The following EPS8L3 variants were observed in gnomAD, a reference collection of about 807,000 sequenced individuals.
EPS8L3 encodes EPS8 signaling adaptor L3.
Under a neutral mutation model 88.5 loss-of-function variants are expected in EPS8L3, and 80 were observed. The ratio of observed to expected loss-of-function variants is 0.90; its 90% confidence interval spans 0.75 to 1.09. The LOEUF is 1.09. EPS8L3 is among the 50% of genes least tolerant of loss of function. The pLI is 0.00. For missense variants in EPS8L3, 721 were observed against 735.2 expected (o/e 0.98, Z 0.22); for synonymous variants, 286 against 291.0 (o/e 0.98, Z 0.18).
At chr1:109,760,001 G>T in intron 3 of EPS8L3, 165 bp from the exon 4 acceptor site, 1 of 690,340 alleles carries the variant, frequency 1.4e-6, no homozygotes, top group Non-Finnish European at 2.4e-6. Context: ...CCAATGTGAG[G>T]GACGGTGTCG....
intron 12 of EPS8L3, among the ~76,000 whole-genome samples, chr1:109,753,959 C>T (rs1454120271): frequency 6.6e-6 from 1 of 152,136 alleles, no homozygotes; most frequent in African/African-American, 2.4e-5. Context: ...ATATAGATTT[C>T]CTTGGGGGCT....
In EPS8L3 at chr1:109,750,307, A is replaced by G; in HGVS notation, c.*84T>C. 1 of 1,546,114 alleles carries G rather than the reference A, an allele frequency of 6.5e-7. No individual in the cohort carries two copies. Among genetic ancestry groups the G allele is most frequent in the Admixed American group, 1.8e-5 (1 of 57,066 alleles). ...TTTGCTGCAAACTGGGATCCAGAAG[A>G]GGAATTCTCGGGGCTCTAATGGGTA... On this transcript the variant is annotated 3_prime_UTR_variant, in exon 19 of 19. Coordinates refer to ENST00000361965, the MANE Select transcript of EPS8L3 (RefSeq NM_133181.4).
In EPS8L3 at chr1:109,750,659, C is replaced by T. The variant is rs992185409; in HGVS notation, c.1770+1G>A. 6.2e-7 allele frequency: 1 copy of T among 1,614,182 alleles called. No homozygotes were observed. The highest frequency in any genetic ancestry group is 8.5e-7 in the Non-Finnish European group (1 of 1,180,018). Reference sequence around the variant, plus strand: ...TTGTCAGGACCCCAGGGTGTCCTCACCCCCAGCATCCTTCTGACAGCCTCC... The same window carrying T: ...TTGTCAGGACCCCAGGGTGTCCTCATCCCCAGCATCCTTCTGACAGCCTCC... On this transcript the variant is annotated splice_donor_variant, in intron 18 of 18. Coordinates refer to ENST00000361965, the MANE Select transcript of EPS8L3 (RefSeq NM_133181.4). LOFTEE classifies it high-confidence loss of function.
chr1:109,763,008 T>C (rs1339910139), intron 1 of EPS8L3, among the ~76,000 whole-genome samples: 2 of 152,200 alleles, frequency 1.3e-5, no homozygotes, highest in Non-Finnish European at 2.9e-5. Flanking sequence ...GGTTTGTGGG[T>C]ATCCACATGT....
intron 1 of EPS8L3, among the ~76,000 whole-genome samples, chr1:109,762,603 TCTC>T (rs774516462): frequency 1.3e-5 from 2 of 150,172 alleles, no homozygotes; most frequent in East Asian, 3.9e-4. Context: ...CCTATCAGTT[TCTC>T]CTCACTGCCG....
intron 1 of EPS8L3, 93 bp from the exon 2 acceptor site, chr1:109,761,866 G>A (rs1036305161): frequency 6.1e-6 from 7 of 1,139,184 alleles, no homozygotes; most frequent in Non-Finnish European, 9.1e-6. Flanking sequence ...GCTCTGACTG[G>A]GGGCCTCTGG....
chr1:109,762,137 A>G (rs149875984), intron 1 of EPS8L3, among the ~76,000 whole-genome samples: 22 of 152,260 alleles, frequency 1.4e-4, no homozygotes, highest in East Asian at 7.7e-4. Context: ...GGGCCTGGGT[A>G]TGAAAGATGC....
Position 109,759,515 on chromosome 1 carries a change from C to T in EPS8L3, c.256-128G>A. 1 of 1,510,496 alleles carries T rather than the reference C, an allele frequency of 6.6e-7. No individual in the cohort carries two copies. Among genetic ancestry groups the T allele is most frequent in the Non-Finnish European group, 8.9e-7 (1 of 1,120,028 alleles). 93.6% of individuals were successfully genotyped at this position (1,510,496 alleles called of 1,614,324 possible). A position where few individuals can be genotyped will look rare whatever the true frequency, so the allele number is the denominator to read the frequency against. On this transcript the variant is annotated intron_variant, in intron 4 of 18. Coordinates refer to ENST00000361965, the MANE Select transcript of EPS8L3 (RefSeq NM_133181.4). This position sits in a 1 kb window ranked among gnomAD's most constrained non-coding sequence, Gnocchi z 4.2. ...GGTGTCATCTACCTGACTCTTGTGC[C>T]TCTGTCCCCAGCCTCTGTCCCCTGT... is the stretch of plus-strand genomic sequence containing the variant.
rs762076759 is a variant in EPS8L3, at chr1:109,757,018, G to T, written c.1117C>A (p.Arg373=). Residue 373 remains arginine, a splice_region_variant and synonymous_variant, in exon 12 of 19, where the codon CGG becomes AGG. Transcript: ENST00000361965. ...MGLGPAWTTS[R]ADWTGDEPLP... Reference sequence around the variant, plus strand: ...AGTTCAGGCTTTGTCTTCACTCACCGGCTAGTGGTCCAGGCTGGGCCCAAC... The same window carrying T: ...AGTTCAGGCTTTGTCTTCACTCACCTGCTAGTGGTCCAGGCTGGGCCCAAC... The T allele has an allele frequency of 1.2e-5, 20 of 1,614,114 alleles. No homozygotes were observed. The highest frequency in any genetic ancestry group is 1.7e-5 in the Admixed American group (1 of 60,018).
intron 8 of EPS8L3, 68 bp from the exon 9 acceptor site, chr1:109,758,126 C>T (rs1650482582): frequency 7.0e-7 from 1 of 1,429,756 alleles, no homozygotes. Context: ...CCACACTGCC[C>T]CCCGCACCCC....
Position 109,752,081 on chromosome 1 carries a change from G to C in EPS8L3, c.1348C>G (p.Gln450Glu). 6.2e-7 allele frequency: 1 copy of C among 1,614,130 alleles called. No homozygotes were observed. Among genetic ancestry groups the C allele is most frequent in the Non-Finnish European group, 8.5e-7 (1 of 1,180,026 alleles). The change falls in exon 15 of 19, where the codon CAG (glutamine) becomes GAG (glutamate). Residue 450 changes from glutamine to glutamate, a missense_variant. Transcript: ENST00000361965. ...NSRPSSPKPA[Q>E]PALKMQVLYE... ...AAGACTTGCATTTTCAGGGCTGGCT[G>C]GGCAGGTTTGGGGCTGGAGGGCCTG...
chr1:109,753,907 C>A (rs943703679), intron 12 of EPS8L3, among the ~76,000 whole-genome samples: 1 of 152,200 alleles, frequency 6.6e-6, no homozygotes, highest in African/African-American at 2.4e-5. Context: ...GCTCTTCTCA[C>A]ACTGCATTGC....
chr1:109,750,522 G>A, intron 18 of EPS8L3, 120 bp from the exon 19 acceptor site: 1 of 1,577,382 alleles, frequency 6.3e-7, no homozygotes, highest in South Asian at 1.1e-5. Context: ...AGCCCCTGGG[G>A]GAATATCCTG....
chr1:109,761,660 A>G, intron 2 of EPS8L3, 59 bp downstream of exon 2: 1 of 1,609,980 alleles, frequency 6.2e-7, no homozygotes, highest in Non-Finnish European at 8.5e-7. Context: ...GGAGTGGAGG[A>G]TGGGACATTC....
rs1413582970 is a variant in EPS8L3 at position 109,756,933 on chromosome 1, A to G, written c.1118+84T>C. 5 of 1,565,898 alleles carry G rather than the reference A, an allele frequency of 3.2e-6. No individual in the cohort carries two copies. The Admixed American group carries it at 8.5e-5, about 26-fold the overall frequency. On this transcript the variant is annotated intron_variant, in intron 12 of 18. Transcript: ENST00000361965. The stretch of plus-strand genomic sequence containing the variant: ...TGAAATATTTCTGGTTTGTGACAAC[A>G]TAGAGCCTGGCCACCTCTGATGTCC...
At chr1:109,761,678 T>C (rs1418717509) in intron 2 of EPS8L3, 41 bp downstream of exon 2, 1 of 1,612,742 alleles carries the variant, frequency 6.2e-7, no homozygotes, top group South Asian at 1.1e-5. Flanking sequence ...TTCTGGGGGC[T>C]CAGTGGGAGG....
chr1:109,755,463 C>T (rs1650190530), intron 12 of EPS8L3, among the ~76,000 whole-genome samples: 1 of 152,176 alleles, frequency 6.6e-6, no homozygotes, highest in Admixed American at 6.5e-5. Context: ...TAATTCATGT[C>T]TTCAGACAAA....
At chr1:109,751,214 G>C in intron 17 of EPS8L3, 64 bp downstream of exon 17, 1 of 1,440,816 alleles carries the variant, frequency 6.9e-7, no homozygotes. Flanking sequence ...CTGGGTCTCT[G>C]GGTTTCCTTG....
chr1:109,760,260 C>A (rs1421734727), intron 3 of EPS8L3, among the ~76,000 whole-genome samples: 1 of 152,198 alleles, frequency 6.6e-6, no homozygotes, highest in Non-Finnish European at 1.5e-5. Context: ...AGTCTTCCTC[C>A]TCACTCACCC....
Sources: gnomAD v4.1 joint callset for allele counts (sites outside exome capture counted in the v4.1 genomes callset) on GRCh38, gnomAD v4.1.1 for gene constraint, Gnocchi (gnomAD v3.1) non-coding constraint, MANE v1.5 for transcripts, NCBI Gene and HGNC (gene_info 2026-07-23, HGNC 2026-07-21) for gene names.